TLN2: variants seen among roughly 807,000 people sequenced by gnomAD.
TLN2 encodes talin-2.
A neutral mutation model predicts 294.7 loss-of-function variants in TLN2; 118 were observed. The ratio of observed to expected loss-of-function variants is 0.40; its 90% CI spans 0.34 to 0.47. The LOEUF (loss-of-function observed/expected upper bound fraction) is 0.47, where lower values mean the gene tolerates loss of function less well. Ranked by LOEUF, TLN2 falls within the 20% of genes least tolerant of loss-of-function variation. The pLI is 0.84. For missense variants in TLN2, 3,083 were observed against 3,282.2 expected (o/e 0.94, Z 1.48); for synonymous variants, 1,431 against 1,304.5 (o/e 1.10, Z -2.09).
At chr15:62,740,007 C>T (rs1461482780) in intron 31 of TLN2, among the ~76,000 whole-genome samples, 2 of 150,800 alleles carry the variant, frequency 1.3e-5, no homozygotes, top group African/African-American at 4.9e-5. Flanking sequence ...AACAAGGGAG[C>T]TTGACTGATC....
chr15:62,446,725 T>C (rs983269010), intron 1 of TLN2, among the ~76,000 whole-genome samples: 1 of 152,244 alleles, frequency 6.6e-6, no homozygotes, highest in Non-Finnish European at 1.5e-5. Context: ...TCTAATACTT[T>C]CAAATCAAAC....
chr15:62,782,530 A>G (rs2064267893), intron 44 of TLN2, among the ~76,000 whole-genome samples: 1 of 152,196 alleles, frequency 6.6e-6, no homozygotes, highest in South Asian at 2.1e-4. Flanking sequence ...CCATGAGCTT[A>G]AGGAGCTGAG....
At chr15:62,724,382 TA>T (rs1219725946) in intron 26 of TLN2, among the ~76,000 whole-genome samples, 1 of 152,210 alleles carries the variant, frequency 6.6e-6, no homozygotes, top group Non-Finnish European at 1.5e-5. Context: ...TTTATATAAT[TA>T]TATGTGCATG....
intron 30 of TLN2, among the ~76,000 whole-genome samples, chr15:62,738,981 C>G (rs2061174247): frequency 2.6e-5 from 4 of 152,160 alleles, no homozygotes; most frequent in Admixed American, 2.6e-4. Flanking sequence ...AAAGCTAAAA[C>G]TTAGCTTTCA....
At chr15:62,631,561 CCTTTCCTTTCCTTT>C (rs1260455914) in intron 3 of TLN2, among the ~76,000 whole-genome samples, 5 of 140,546 alleles carry the variant, frequency 3.6e-5, no homozygotes, top group African/African-American at 1.4e-4. Flanking sequence ...CCTTTCCTTT[CCTTTCCTTTCCTTT>C]CTTTCTCTCT....
intron 11 of TLN2, among the ~76,000 whole-genome samples, chr15:62,682,493 G>A (rs575917356): frequency 1.5e-4 from 23 of 152,268 alleles, no homozygotes; most frequent in Middle Eastern, 6.8e-3. Context: ...GGAAAAGAAA[G>A]ACTTCAGTTT....
intron 28 of TLN2, among the ~76,000 whole-genome samples, chr15:62,728,723 T>A (rs1190552531): frequency 6.6e-6 from 1 of 152,230 alleles, no homozygotes; most frequent in Non-Finnish European, 1.5e-5. Flanking sequence ...TTTTGCCCAT[T>A]ATTTGAAAAT....
chr15:62,527,175 A>ACGGTGT (rs2040787708), intron 1 of TLN2, among the ~76,000 whole-genome samples: 1 of 152,142 alleles, frequency 6.6e-6, no homozygotes, highest in South Asian at 2.1e-4. Flanking sequence ...GATTGGAGAC[A>ACGGTGT]CGGTGTCGGG....
At chr15:62,474,328 C>A (rs2037665122) in intron 1 of TLN2, among the ~76,000 whole-genome samples, 1 of 151,964 alleles carries the variant, frequency 6.6e-6, no homozygotes, top group Non-Finnish European at 1.5e-5. Context: ...TTCTCCACCC[C>A]TTTTTCACTC....
At chr15:62,701,558 AC>A (rs1199404337) in intron 17 of TLN2, among the ~76,000 whole-genome samples, 1 of 152,078 alleles carries the variant, frequency 6.6e-6, no homozygotes, top group South Asian at 2.1e-4. Context: ...GAATGAACAG[AC>A]CTGTCATATG....
rs563068803 is a variant in TLN2, at chr15:62,480,859, C to A, written c.-238+90174C>A. 3.3e-5 allele frequency among the ~76,000 whole-genome samples: 5 copies of A among 152,306 alleles called. No homozygotes were observed. In the South Asian group the frequency reaches 1.0e-3, roughly 32 times the overall value. ...CTGATACTGTGCTAAAGTGTTCAGA[C>A]CTTTCCTGCATTGCTTTCTTTGCTT... On this transcript the variant is annotated intron_variant, in intron 1 of 58. Coordinates refer to ENST00000636159, the MANE Select transcript of TLN2 (RefSeq NM_015059.3).
At chr15:62,393,047 G>A (rs1252209867) in intron 1 of TLN2, among the ~76,000 whole-genome samples, 1 of 151,980 alleles carries the variant, frequency 6.6e-6, no homozygotes, top group Non-Finnish European at 1.5e-5. Flanking sequence ...CAGAGCCCAA[G>A]ATATATTTTT....
intron 9 of TLN2, among the ~76,000 whole-genome samples, chr15:62,668,717 A>C (rs2055031936): frequency 6.6e-6 from 1 of 152,204 alleles, no homozygotes; most frequent in Admixed American, 6.5e-5. Flanking sequence ...AGTGTGTAGA[A>C]TTATCTAAAG....
chr15:62,762,308 A>G lies in TLN2; in HGVS notation c.4816A>G (p.Lys1606Glu). 6.2e-7 allele frequency: 1 copy of G among 1,614,198 alleles called. No homozygotes were observed. The highest frequency in any genetic ancestry group is 8.5e-7 in the Non-Finnish European group (1 of 1,180,030). ...QAQEPILVSA[K>E]TMLESSSYLI... ...ACAGGAACCAATCCTGGTCTCAGCC[A>G]AGACCATGCTGGAGAGTTCATCGTA... The change falls in exon 39 of 59, where the codon AAG becomes GAG. Residue 1606 changes from lysine (K) to glutamate (E), a missense_variant. By Grantham distance (56) the Lys-to-Glu change is moderately conservative. Transcript: ENST00000636159.
intron 1 of TLN2, among the ~76,000 whole-genome samples, chr15:62,465,021 TC>T (rs1464752693): frequency 2.0e-5 from 3 of 151,690 alleles, no homozygotes; most frequent in Non-Finnish European, 2.9e-5. Context: ...TAGTCTTTTT[TC>T]CCCCCTTAAA....
chr15:62,594,348 C>T (rs1463559870), intron 2 of TLN2, among the ~76,000 whole-genome samples: 1 of 152,200 alleles, frequency 6.6e-6, no homozygotes, highest in African/African-American at 2.4e-5. Flanking sequence ...GCTAGTACTA[C>T]AGGCATGTGC....
At chr15:62,534,345 G>T (rs773345004) in intron 1 of TLN2, among the ~76,000 whole-genome samples, 1 of 152,216 alleles carries the variant, frequency 6.6e-6, no homozygotes, top group African/African-American at 2.4e-5. Context: ...CTGAGCTGCT[G>T]ACTGACAGGC....
Position 62,702,166 on chromosome 15 carries a change from A to G in TLN2, c.1871A>G (p.Asp624Gly), listed in dbSNP as rs574816226. ...AARTLAGAVS[D>G]LLKAVQPTSG... ...AGGACCCTCGCTGGGGCGGTGTCAG[A>G]CTTGCTGAAAGCTGTGCAGCCTACT... Residue 624 changes from aspartate (D) to glycine (G), a missense_variant, in exon 18 of 59, where the codon GAC becomes GGC. Physicochemically the swap from Asp to Gly is moderately conservative, Grantham distance 94. Transcript: ENST00000636159. 1.2e-6 allele frequency: 2 copies of G among 1,609,648 alleles called. No homozygotes were observed. The highest frequency in any genetic ancestry group is 1.7e-6 in the Non-Finnish European group (2 of 1,177,938).
chr15:62,734,071 G>C (rs1159349656), intron 28 of TLN2: 1 of 152,146 alleles, frequency 6.6e-6, no homozygotes, highest in Non-Finnish European at 1.5e-5. Flanking sequence ...GAAGATCCTT[G>C]ATGTGCTTTG....
Sources: gnomAD v4.1 joint callset for allele counts (sites outside exome capture counted in the v4.1 genomes callset) on GRCh38, gnomAD v4.1.1 for gene constraint, MANE v1.5 for transcripts, NCBI Gene and HGNC (gene_info 2026-07-23, HGNC 2026-07-21) for gene names.